EIF2B1: variants seen among roughly 807,000 people sequenced by gnomAD.
EIF2B1 encodes eukaryotic translation initiation factor 2B subunit alpha.
In EIF2B1, 30 loss-of-function variants were observed where a neutral mutation model predicts 36.8. That is an observed-to-expected ratio of 0.81 (90% CI 0.61 to 1.10). The LOEUF is 1.10. Ranked by LOEUF, EIF2B1 falls within the 50% of genes least tolerant of loss-of-function variation. The pLI, the probability that EIF2B1 is intolerant of heterozygous loss-of-function variation, is 0.00. For missense variants in EIF2B1, 271 were observed against 374.8 expected (o/e 0.72, Z 2.29); for synonymous variants, 139 against 142.2 (o/e 0.98, Z 0.16).
chr12:123,621,867 C>T lies in EIF2B1; in HGVS notation c.807G>A (p.Glu269=), dbSNP rs1955102427. ...VAQTGQDLKE[E]HPWVDYTAPS... is the part of the protein sequence containing the mutation. ...GGGCAGTGTAGTCGACCCACGGATG[C>T]TCCTCTTTGAGGTCTTGTCCAGTCT... Residue 269 remains glutamate (E), a synonymous_variant, in exon 9 of 9, where the codon GAG becomes GAA. Transcript: ENST00000424014. 6.2e-7 allele frequency: 1 copy of T among 1,614,110 alleles called. No homozygotes were observed. Among genetic ancestry groups the T allele is most frequent in the East Asian group, 2.2e-5 (1 of 44,882 alleles).
intron 4 of EIF2B1, among the ~76,000 whole-genome samples, chr12:123,629,206 CA>C (rs1955170253): frequency 6.6e-6 from 1 of 152,164 alleles, no homozygotes; most frequent in Non-Finnish European, 1.5e-5. Context: ...GCCTAGGTGG[CA>C]AAAGGACGTA....
chr12:123,633,423 C>T, intron 1 of EIF2B1, 122 bp downstream of exon 1: 2 of 1,461,896 alleles, frequency 1.4e-6, no homozygotes, highest in Non-Finnish European at 1.9e-6. Context: ...GGAAACACAA[C>T]CAGCGGAGCA....
Position 123,633,538 on chromosome 12 carries a change from G to C in EIF2B1, c.13+7C>G. On this transcript the variant is annotated splice_region_variant and intron_variant, in intron 1 of 8. Coordinates refer to ENST00000424014, the MANE Select transcript of EIF2B1 (RefSeq NM_001414.4). Reference sequence around the variant, plus strand: ...TAGCCTAGCAGCCCTGGCCTGTCTTGATTTACCCTTGTCGTCCATGGCGTC... The same window carrying C: ...TAGCCTAGCAGCCCTGGCCTGTCTTCATTTACCCTTGTCGTCCATGGCGTC... 1 of 1,613,624 alleles carries C rather than the reference G, an allele frequency of 6.2e-7. No individual in the cohort carries two copies. Among genetic ancestry groups the C allele is most frequent in the Admixed American group, 1.7e-5 (1 of 60,020 alleles).
At chr12:123,625,007 T>C (rs774325576) in intron 6 of EIF2B1, 145 bp from the exon 7 acceptor site, 7 of 714,400 alleles carry the variant, frequency 9.8e-6, no homozygotes, top group South Asian at 3.0e-5. Context: ...TAACACGCGA[T>C]AGACCCCTGG....
chr12:123,626,756 TAGAG>T, intron 5 of EIF2B1: 1 of 646,046 alleles, frequency 1.5e-6, no homozygotes, highest in Non-Finnish European at 2.8e-6. Flanking sequence ...GATTATCGTC[TAGAG>T]AGAGGGAGAT....
At position 123,632,945 on chromosome 12, in the gene EIF2B1, C is replaced by CAAAAAAAAA. The variant is rs4040224; in HGVS notation, c.14-508_14-500dup. The stretch of plus-strand genomic sequence containing the variant: ...TGGGTGACAGAGCGAGACTCCGTCT[C>CAAAAAAAAA]AAAAAAAAAAAAAAAAAAGCTACTG... On this transcript the variant is annotated intron_variant, in intron 1 of 8. Coordinates refer to ENST00000424014, the MANE Select transcript of EIF2B1 (RefSeq NM_001414.4). Among the ~76,000 whole-genome samples the CAAAAAAAAA allele has an allele frequency of 2.3e-4, 17 of 75,098 alleles. No individual in the cohort carries two copies. The Admixed American group carries it at 2.3e-3, about 10-fold the overall frequency. The allele number at this position is 75,098 out of a possible 152,430, so 49.3% of individuals were successfully genotyped here. A position where few individuals can be genotyped will look rare whatever the true frequency, so the allele number is the denominator to read the frequency against.
At position 123,626,480 on chromosome 12, in the gene EIF2B1, T is replaced by C; in HGVS notation, c.496A>G (p.Lys166Glu). The C allele has an allele frequency of 6.2e-7, 1 of 1,614,104 alleles. No homozygotes were observed. The highest frequency in any genetic ancestry group is 2.2e-5 in the East Asian group (1 of 44,878). The change falls in exon 6 of 9, where the codon AAA becomes GAA. Residue 166 changes from lysine (K) to glutamate (E), a missense_variant. Coordinates refer to ENST00000424014, the MANE Select transcript of EIF2B1 (RefSeq NM_001414.4). The stretch of plus-strand genomic sequence containing the variant: ...GGGACGTTGAGGTGGCAGAGGGCTT[T>C]GGCCATTTTCTTACTGAAGATGACA... Reference protein sequence around the residue: ...QPDLSGKKMAKALCHLNVPVT... With the variant: ...QPDLSGKKMAEALCHLNVPVT...
At chr12:123,631,370 G>A (rs1412865772) in intron 2 of EIF2B1, among the ~76,000 whole-genome samples, 1 of 151,992 alleles carries the variant, frequency 6.6e-6, no homozygotes, top group Non-Finnish European at 1.5e-5. Flanking sequence ...ACATTTCTAA[G>A]AGTCATTAGA....
intron 2 of EIF2B1, 28 bp downstream of exon 2, chr12:123,632,317 G>T: frequency 7.4e-7 from 1 of 1,357,618 alleles, no homozygotes; most frequent in Non-Finnish European, 1.1e-6. Context: ...CTAAGTCCCA[G>T]AGTGTTAACA....
rs780035153 is a variant in EIF2B1 at position 123,632,334 on chromosome 12, T to C, written c.115+11A>G. The C allele has an allele frequency of 3.9e-6, 6 of 1,535,008 alleles. No individual in the cohort carries two copies. In the African/African-American group the frequency reaches 8.3e-5, roughly 21 times the overall value. On this transcript the variant is annotated intron_variant, in intron 2 of 8. Coordinates refer to ENST00000424014, the MANE Select transcript of EIF2B1 (RefSeq NM_001414.4). ...AAGTCCCAGAGTGTTAACAGATGAC[T>C]CTCTATATACCTTTATCTCTCTTCA...
Position 123,630,215 on chromosome 12 carries a change from C to A in EIF2B1, c.323G>T (p.Arg108Ile). The change falls in exon 4 of 9, where the codon AGA (arginine) becomes ATA (isoleucine). Residue 108 changes from arginine to isoleucine, a missense_variant. Physicochemically the swap from Arg to Ile is moderately conservative, Grantham distance 97. Coordinates refer to ENST00000424014, the MANE Select transcript of EIF2B1 (RefSeq NM_001414.4). The surrounding 1 kb of genome is among the most constrained non-coding windows in gnomAD (Gnocchi z 4.6). ...ATGGCACAGATCTGCAATTTTGTTT[C>A]TTGACAGTGATATTCTCCTGAGAAA... Reference protein sequence around the residue: ...ELFLRRISLSRNKIADLCHTF... With the variant: ...ELFLRRISLSINKIADLCHTF... 1 of 1,614,078 alleles carries A rather than the reference C, an allele frequency of 6.2e-7. No homozygotes were observed. Among genetic ancestry groups the A allele is most frequent in the Non-Finnish European group, 8.5e-7 (1 of 1,180,038 alleles).
At chr12:123,625,407 T>C (rs769832893) in intron 6 of EIF2B1, among the ~76,000 whole-genome samples, 5 of 152,084 alleles carry the variant, frequency 3.3e-5, no homozygotes, top group Admixed American at 6.6e-5. Flanking sequence ...TATGCCACCA[T>C]GCCCTAGAGA....
At chr12:123,632,701 CTT>C (rs993443391) in intron 1 of EIF2B1, among the ~76,000 whole-genome samples, 5 of 152,082 alleles carry the variant, frequency 3.3e-5, no homozygotes, top group African/African-American at 1.2e-4. Context: ...AATCCCAGCA[CTT>C]TGGGAGTCCG....
In EIF2B1 at chr12:123,620,579, ATT is replaced by A. The variant is rs1491455828; in HGVS notation, c.*1175_*1176del. On this transcript the variant is annotated 3_prime_UTR_variant, in exon 9 of 9. Transcript: ENST00000424014. ...GGGTCACATATAGACATATGTACAT[ATT>A]ATATATATATATATATATATATATA... 2.8e-5 allele frequency: 2 copies of A among 70,942 alleles called. No individual in the cohort carries two copies. The highest frequency in any genetic ancestry group is 5.1e-5 in the African/African-American group (1 of 19,616). 4.4% of individuals were successfully genotyped at this position (70,942 alleles called of 1,614,324 possible). A position where few individuals can be genotyped will look rare whatever the true frequency, so the allele number is the denominator to read the frequency against.
At chr12:123,633,183 T>C (rs1436630853) in intron 1 of EIF2B1, among the ~76,000 whole-genome samples, 1 of 150,480 alleles carries the variant, frequency 6.6e-6, no homozygotes, top group Non-Finnish European at 1.5e-5. Context: ...CACTCCCCTT[T>C]ATTTCTTTAC....
rs1244109999 is a variant in EIF2B1 at position 123,630,510 on chromosome 12, C to T, written c.139G>A (p.Ala47Thr). The T allele has an allele frequency of 1.2e-6, 2 of 1,613,200 alleles. No individual in the cohort carries two copies. Among genetic ancestry groups the T allele is most frequent in the Admixed American group, 3.3e-5 (2 of 60,018 alleles). ...GTTTCTATGGCACTGGTGAGATTCG[C>T]CCTCAGACCCTGGATTGTCTCCCCT... ...DKGETIQGLR[A>T]NLTSAIETLC... The change falls in exon 3 of 9, where the codon GCG becomes ACG. Residue 47 changes from alanine to threonine, a missense_variant. Transcript: ENST00000424014. This position sits in a 1 kb window ranked among gnomAD's most constrained non-coding sequence, Gnocchi z 4.6.
intron 2 of EIF2B1, among the ~76,000 whole-genome samples, chr12:123,631,390 T>C (rs1350596259): frequency 4.6e-5 from 7 of 152,182 alleles, no homozygotes; most frequent in African/African-American, 1.7e-4. Flanking sequence ...AAGACTTTCC[T>C]GGCCGAACAT....
rs1491406627 is a variant in EIF2B1, at chr12:123,620,580, T to TTTTA, written c.*1175_*1176insTAAA. On this transcript the variant is annotated 3_prime_UTR_variant, in exon 9 of 9. Transcript: ENST00000424014. ...GGTCACATATAGACATATGTACATA[T>TTTTA]TATATATATATATATATATATATAT... is the stretch of plus-strand genomic sequence containing the variant. The TTTTA allele has an allele frequency of 1.4e-4, 9 of 65,354 alleles. No homozygotes were observed. The highest frequency in any genetic ancestry group is 2.8e-3 in the East Asian group (2 of 724). The allele number at this position is 65,354 out of a possible 1,614,324, so 4.0% of individuals were successfully genotyped here. A position where few individuals can be genotyped will look rare whatever the true frequency, so the allele number is the denominator to read the frequency against.
At chr12:123,624,330 CT>C (rs11340241) in intron 7 of EIF2B1, among the ~76,000 whole-genome samples, 44,843 of 147,778 alleles carry the variant, frequency 0.3, 7,395 homozygotes, top group African/African-American at 0.42. Flanking sequence ...GTGATCATAA[CT>C]TACTGCAACC....
Sources: gnomAD v4.1 joint callset for allele counts (sites outside exome capture counted in the v4.1 genomes callset) on GRCh38, gnomAD v4.1.1 for gene constraint, Gnocchi (gnomAD v3.1) non-coding constraint, MANE v1.5 for transcripts, NCBI Gene and HGNC (gene_info 2026-07-23, HGNC 2026-07-21) for gene names.